The following CNTNAP4 variants were observed in gnomAD, a reference collection of about 807,000 sequenced individuals.
CNTNAP4 encodes contactin associated protein family member 4.
In CNTNAP4, 98 loss-of-function variants were observed where a neutral mutation model predicts 148.4. The observed-to-expected ratio is 0.66, with a 90% confidence interval of 0.56 to 0.78. The LOEUF (loss-of-function observed/expected upper bound fraction) is 0.78. Ranked by LOEUF, CNTNAP4 falls within the 30% of genes least tolerant of loss-of-function variation. CNTNAP4 has a pLI of 0.00. For synonymous variants in CNTNAP4, 730 were observed against 565.1 expected (o/e 1.29, Z -4.14); for missense variants, 1,935 against 1,565.6 (o/e 1.24, Z -3.98).
intron 11 of CNTNAP4, among the ~76,000 whole-genome samples, chr16:76,478,208 C>A (rs2081662422): frequency 6.6e-6 from 1 of 152,198 alleles, no homozygotes; most frequent in Non-Finnish European, 1.5e-5. Context: ...CTCATCCAAT[C>A]CTTTTCCACA....
chr16:76,305,720 G>A (rs1960410897), intron 1 of CNTNAP4, among the ~76,000 whole-genome samples: 1 of 152,068 alleles, frequency 6.6e-6, no homozygotes, highest in Non-Finnish European at 1.5e-5. Flanking sequence ...GATACAGGGG[G>A]TACATGTGTA....
intron 2 of CNTNAP4, among the ~76,000 whole-genome samples, chr16:76,317,358 TAAAAG>T (rs1470075963): frequency 6.7e-6 from 1 of 149,478 alleles, no homozygotes; most frequent in Non-Finnish European, 1.5e-5. Flanking sequence ...TTGAATATGT[TAAAAG>T]GAAACTGAAG....
chr16:76,479,268 G>C, intron 11 of CNTNAP4, 151 bp from the exon 12 acceptor site: 1 of 482,036 alleles, frequency 2.1e-6, no homozygotes. Flanking sequence ...TTTTAAAAAA[G>C]AATGAGTTTT....
intron 1 of CNTNAP4, among the ~76,000 whole-genome samples, chr16:76,298,674 A>G (rs1366887423): frequency 6.6e-6 from 1 of 152,162 alleles, no homozygotes; most frequent in African/African-American, 2.4e-5. Flanking sequence ...GGCTGCAGCC[A>G]TATAGAGCTC....
intron 1 of CNTNAP4, among the ~76,000 whole-genome samples, chr16:76,310,808 TG>T (rs1961017637): frequency 6.6e-6 from 1 of 152,214 alleles, no homozygotes; most frequent in African/African-American, 2.4e-5. Flanking sequence ...TTTTTTTTTT[TG>T]AAAAGTATAT....
chr16:76,393,461 G>A (rs2078095478), intron 3 of CNTNAP4, among the ~76,000 whole-genome samples: 1 of 152,148 alleles, frequency 6.6e-6, no homozygotes, highest in Admixed American at 6.5e-5. Context: ...AGTCTGTACT[G>A]AACACTGGGC....
At chr16:76,399,496 T>C (rs1017334683) in intron 3 of CNTNAP4, among the ~76,000 whole-genome samples, 6 of 152,200 alleles carry the variant, frequency 3.9e-5, no homozygotes, top group Admixed American at 1.3e-4. Flanking sequence ...TTGTCAATTA[T>C]CAGAATTCAG....
At chr16:76,535,847 G>T in intron 18 of CNTNAP4, 63 bp downstream of exon 18, 1 of 1,522,462 alleles carries the variant, frequency 6.6e-7, no homozygotes, top group Non-Finnish European at 8.9e-7. Context: ...ATGTCTGGCA[G>T]TTCTTTTCTA....
intron 17 of CNTNAP4, among the ~76,000 whole-genome samples, chr16:76,527,543 A>T (rs1173757418): frequency 6.6e-6 from 1 of 152,200 alleles, no homozygotes; most frequent in African/African-American, 2.4e-5. Context: ...GGGGCAAATG[A>T]ATGAGGTAAA....
At chr16:76,353,579 G>A (rs1259287096) in intron 2 of CNTNAP4, among the ~76,000 whole-genome samples, 1 of 152,046 alleles carries the variant, frequency 6.6e-6, no homozygotes, top group Non-Finnish European at 1.5e-5. Context: ...AACTAGGGGT[G>A]TCCTAGTGCC....
chr16:76,368,039 G>C (rs959617391), intron 3 of CNTNAP4, among the ~76,000 whole-genome samples: 4 of 152,134 alleles, frequency 2.6e-5, no homozygotes, highest in African/African-American at 9.7e-5. Context: ...ATATTCCCAA[G>C]TGATTTCAAT....
intron 15 of CNTNAP4, among the ~76,000 whole-genome samples, chr16:76,511,861 G>GAGAGAC (rs753490404): frequency 2.0e-5 from 3 of 151,850 alleles, no homozygotes; most frequent in African/African-American, 7.3e-5. Flanking sequence ...GAGAGAGAGA[G>GAGAGAC]ACAATAATCA....
In CNTNAP4 at chr16:76,441,113, A is replaced by G. The variant is rs142226963; in HGVS notation, c.539-6899A>G. 5.7e-3 allele frequency among the ~76,000 whole-genome samples: 863 copies of G among 152,256 alleles called. 6 individuals carry two copies. Among genetic ancestry groups the G allele is most frequent in the African/African-American group, 0.018 (759 of 41,552 alleles). The stretch of plus-strand genomic sequence containing the variant: ...TCCTGCATGTCTTAGAAATCATTCA[A>G]TACCCAGCCGTGATACAAAAGCGGA... On this transcript the variant is annotated intron_variant, in intron 4 of 23. Coordinates refer to ENST00000611870, the MANE Select transcript of CNTNAP4 (RefSeq NM_033401.5).
Position 76,465,668 on chromosome 16 carries a change from A to G in CNTNAP4, c.1484-1684A>G, listed in dbSNP as rs1226013655. Among the ~76,000 whole-genome samples the G allele has an allele frequency of 3.9e-5, 6 of 152,204 alleles. No homozygotes were observed. In the South Asian group the frequency reaches 6.2e-4, roughly 16 times the overall value. On this transcript the variant is annotated intron_variant, in intron 9 of 23. Transcript: ENST00000611870. ...CCCTAACATTCTTAATTGGCTAATA[A>G]GTCATTCAGAATACATACTGAGATT...
rs1958519324 is a variant in CNTNAP4, at chr16:76,277,484, G to C, written c.-179G>C. The stretch of plus-strand genomic sequence containing the variant: ...AGAGACGGGGAGAGAGAGAGGGAGA[G>C]AGAAGAGAGGGAGGAGGGAAGAAGA... On this transcript the variant is annotated 5_prime_UTR_variant, in exon 1 of 24. Transcript: ENST00000611870. The C allele has an allele frequency of 1.7e-6, 1 of 583,034 alleles. No homozygotes were observed. Among genetic ancestry groups the C allele is most frequent in the African/African-American group, 1.9e-5 (1 of 53,372 alleles). 36.1% of individuals were successfully genotyped at this position (583,034 alleles called of 1,614,324 possible).
intron 9 of CNTNAP4, among the ~76,000 whole-genome samples, chr16:76,463,373 A>G (rs2081054675): frequency 3.3e-5 from 5 of 152,170 alleles, no homozygotes; most frequent in Admixed American, 3.3e-4. Flanking sequence ...CATTCTTCAC[A>G]TATTTTATGT....
At chr16:76,352,594 A>G (rs957103453) in intron 2 of CNTNAP4, among the ~76,000 whole-genome samples, 7 of 152,104 alleles carry the variant, frequency 4.6e-5, no homozygotes, top group Non-Finnish European at 7.4e-5. Flanking sequence ...ACCATCTACT[A>G]TGTAGACTGC....
intron 1 of CNTNAP4, among the ~76,000 whole-genome samples, chr16:76,290,234 C>T (rs1412062987): frequency 6.6e-6 from 1 of 152,080 alleles, no homozygotes; most frequent in East Asian, 1.9e-4. Flanking sequence ...AGGCTTAGAC[C>T]CAATGACTCC....
intron 4 of CNTNAP4, among the ~76,000 whole-genome samples, chr16:76,431,070 A>G (rs2079588303): frequency 6.6e-6 from 1 of 152,180 alleles, no homozygotes; most frequent in Non-Finnish European, 1.5e-5. Flanking sequence ...TAGAAGGAGT[A>G]TAGGGTGTGA....
Sources: allele counts gnomAD v4.1 joint callset (sites outside exome capture counted in the v4.1 genomes callset), GRCh38; gene constraint gnomAD v4.1.1; transcripts MANE v1.5; gene names NCBI Gene and HGNC (gene_info 2026-07-23, HGNC 2026-07-21).